The following BRF1 variants were observed in gnomAD, a reference collection of about 807,000 sequenced individuals.
BRF1 encodes the protein BRF1 general transcription factor IIIB subunit.
Under a neutral mutation model 81.7 loss-of-function variants are expected in BRF1, and 59 were observed. The ratio of observed to expected loss-of-function variants is 0.72; its 90% CI spans 0.59 to 0.90. The LOEUF (loss-of-function observed/expected upper bound fraction) is 0.90. Ranked by LOEUF, BRF1 falls within the 40% of genes least tolerant of loss-of-function variation. The probability of loss-of-function intolerance (pLI) is 0.00; values close to 1 mark genes in which losing one functional copy is unlikely to be tolerated. For synonymous variants in BRF1, 491 were observed against 395.6 expected, an observed-to-expected ratio of 1.24 and a Z score of -2.86; for missense variants, 1,050 against 936.3, an observed-to-expected ratio of 1.12 and a Z score of -1.58.
At chr14:105,265,464 G>A (rs1039638268) in intron 3 of BRF1, among the ~76,000 whole-genome samples, 4 of 152,118 alleles carry the variant, frequency 2.6e-5, no homozygotes, top group African/African-American at 9.7e-5. Flanking sequence ...TTAAAAGCAG[G>A]TAGTGGGCCG....
intron 5 of BRF1, chr14:105,249,100 C>T (rs2055390917): frequency 6.7e-7 from 1 of 1,490,956 alleles, no homozygotes; most frequent in African/African-American, 1.5e-5. Flanking sequence ...GCCCGTGCCC[C>T]GCGGCCCCCG....
At chr14:105,218,520 T>C (rs976668709) in intron 14 of BRF1, among the ~76,000 whole-genome samples, 5 of 152,152 alleles carry the variant, frequency 3.3e-5, no homozygotes, top group African/African-American at 1.2e-4. Flanking sequence ...GCTCCCCGTG[T>C]TTTCTCCTGC....
intron 2 of BRF1, among the ~76,000 whole-genome samples, chr14:105,275,339 T>A (rs1193796854): frequency 2.0e-5 from 3 of 152,216 alleles, no homozygotes; most frequent in Non-Finnish European, 4.4e-5. Flanking sequence ...CATACAGCTC[T>A]GAGGCCTGCA....
chr14:105,245,535 T>C (rs1310235189), intron 5 of BRF1, among the ~76,000 whole-genome samples: 1 of 152,016 alleles, frequency 6.6e-6, no homozygotes, highest in Non-Finnish European at 1.5e-5. Flanking sequence ...GCCAGTATGG[T>C]GCTGACATAA....
Position 105,315,237 on chromosome 14 carries a change from C to A in BRF1, c.-162+85G>T, listed in dbSNP as rs1595539938. 5.4e-6 allele frequency: 1 copy of A among 184,260 alleles called. No homozygotes were observed. The highest frequency in any genetic ancestry group is 1.1e-5 in the Non-Finnish European group (1 of 94,566). The allele number at this position is 184,260 out of a possible 1,614,324, so 11.4% of individuals were successfully genotyped here. A position where few individuals can be genotyped will look rare whatever the true frequency, so the allele number is the denominator to read the frequency against. On this transcript the variant is annotated intron_variant, in intron 1 of 17. Coordinates refer to the BRF1 transcript ENST00000327359. The surrounding 1 kb of genome is among the most constrained non-coding windows in gnomAD (Gnocchi z 4.4). ...AGCGCGGCCCCAGCCCCCCAGGTCCCGAGCACCGGGGGCCGCGCTCAGCTT... is the reference window on the plus strand; with the variant it reads ...AGCGCGGCCCCAGCCCCCCAGGTCCAGAGCACCGGGGGCCGCGCTCAGCTT...
chr14:105,250,847 G>A (rs764885338), intron 5 of BRF1: 2 of 698,186 alleles, frequency 2.9e-6, no homozygotes, highest in Admixed American at 3.0e-5. Flanking sequence ...AGGGATTGGA[G>A]TCTTAGGCAT....
chr14:105,265,826 G>A (rs1031917069), intron 3 of BRF1, among the ~76,000 whole-genome samples: 10 of 150,248 alleles, frequency 6.7e-5, no homozygotes, highest in South Asian at 2.1e-4. Context: ...GTGTGAACCC[G>A]CGAGGCAGAG....
At chr14:105,250,170 A>C in intron 5 of BRF1, 13 of 1,612,956 alleles carry the variant, frequency 8.1e-6, no homozygotes, top group Middle Eastern at 1.7e-4. Flanking sequence ...ACGGCCACCA[A>C]CAAGCCCCGC....
Position 105,221,694 on chromosome 14 carries a change from G to C in BRF1, c.1269C>G (p.Ile423Met). The part of the protein sequence containing the change: ...DPLPTAASLG[I>M]SDSIRECISS... ...AGATGCATTCGCGGATGGAGTCTGA[G>C]ATGCCCAGGCTGGCTGCAGTGGGGA... The change falls in exon 11 of 18, where the codon ATC (isoleucine) becomes ATG (methionine). Residue 423 changes from isoleucine (I) to methionine (M), a missense_variant. By Grantham distance (10) the Ile-to-Met change is conservative (BLOSUM62 1). This residue lies in a region of BRF1 where 1,043 missense variants were observed against 915.4 expected (regional missense o/e 1.14). Coordinates refer to ENST00000547530, the MANE Select transcript of BRF1 (RefSeq NM_001519.4). 1 of 1,611,822 alleles carries C rather than the reference G, an allele frequency of 6.2e-7. No individual in the cohort carries two copies.
chr14:105,215,924 GCA>G lies in BRF1; in HGVS notation c.1772+1618_1772+1619del, dbSNP rs763574872. On this transcript the variant is annotated intron_variant, in intron 15 of 17. Transcript: ENST00000547530. Reference sequence around the variant, plus strand: ...ACACACACACTGCATACGCAGACAGGCACACACACACTGCATACACAGACACA... The same window carrying G: ...ACACACACACTGCATACGCAGACAGGCACACACACTGCATACACAGACACA... 1.0e-3 allele frequency among the ~76,000 whole-genome samples: 96 copies of G among 92,096 alleles called. 3 individuals are homozygous for G. Among genetic ancestry groups the G allele is most frequent in the East Asian group, 8.0e-3 (24 of 3,000 alleles). 60.4% of individuals were successfully genotyped at this position (92,096 alleles called of 152,430 possible).
chr14:105,298,083 G>T (rs587697226), intron 1 of BRF1, among the ~76,000 whole-genome samples: 57 of 152,334 alleles, frequency 3.7e-4, no homozygotes, highest in African/African-American at 1.3e-3. Context: ...GCTCACTGGA[G>T]CATCTCAGAT....
intron 4 of BRF1, among the ~76,000 whole-genome samples, chr14:105,254,770 C>T (rs1370432413): frequency 6.6e-6 from 1 of 151,560 alleles, no homozygotes; most frequent in Admixed American, 6.6e-5. Context: ...CCATGTTGGC[C>T]AGGCTGGTCT....
chr14:105,269,988 T>G lies in BRF1; in HGVS notation c.439+2733A>C, dbSNP rs2056590228. Among the ~76,000 whole-genome samples, 4 of 151,962 alleles carry G rather than the reference T, an allele frequency of 2.6e-5. No individual in the cohort carries two copies. Among genetic ancestry groups the G allele is most frequent in the Admixed American group, 2.6e-4 (4 of 15,264 alleles). On this transcript the variant is annotated intron_variant, in intron 3 of 17. Coordinates refer to ENST00000547530, the MANE Select transcript of BRF1 (RefSeq NM_001519.4). This position sits in a 1 kb window ranked among gnomAD's most constrained non-coding sequence, Gnocchi z 5.0. ...AGCAGGATCGGAGCAGGCCTCTCAG[T>G]GGGACCCCAGGGTGGAGCCGGGGCA... is the stretch of plus-strand genomic sequence containing the variant.
At chr14:105,229,536 C>G (rs889484656) in intron 6 of BRF1, among the ~76,000 whole-genome samples, 1 of 152,208 alleles carries the variant, frequency 6.6e-6, no homozygotes, top group African/African-American at 2.4e-5. Flanking sequence ...TTGACCAGGC[C>G]ACGGCCACAT....
rs1457335520 is a variant in BRF1 at position 105,210,337 on chromosome 14, C to T, written c.*214G>A. ...CACACACCCGGCCCACATCTGATCACACACATGCAGACGCTTGGTCCGGTT... is the reference window on the plus strand; with the variant it reads ...CACACACCCGGCCCACATCTGATCATACACATGCAGACGCTTGGTCCGGTT... On this transcript the variant is annotated 3_prime_UTR_variant, in exon 18 of 18. Coordinates refer to ENST00000547530, the MANE Select transcript of BRF1 (RefSeq NM_001519.4). This position sits in a 1 kb window ranked among gnomAD's most constrained non-coding sequence, Gnocchi z 4.7. 5.0e-5 allele frequency: 30 copies of T among 594,646 alleles called. No homozygotes were observed. The highest frequency in any genetic ancestry group is 7.7e-5 in the Non-Finnish European group (26 of 335,750). The allele number at this position is 594,646 out of a possible 1,614,324, so 36.8% of individuals were successfully genotyped here.
rs1566790280 is a variant in BRF1 at position 105,210,708 on chromosome 14, C to G, written c.1997-120G>C. 25 of 1,138,068 alleles carry G rather than the reference C, an allele frequency of 2.2e-5. No homozygotes were observed. The highest frequency in any genetic ancestry group is 3.1e-5 in the Non-Finnish European group (25 of 801,490). 70.5% of individuals were successfully genotyped at this position (1,138,068 alleles called of 1,614,324 possible). A position where few individuals can be genotyped will look rare whatever the true frequency, so the allele number is the denominator to read the frequency against. ...ACTCAGGCTCCAGCCCCAGCCCCAG[C>G]CCCCCGCGCCCCGCCAGGAGCCATC... is the stretch of plus-strand genomic sequence containing the variant. On this transcript the variant is annotated intron_variant, in intron 17 of 17. Transcript: ENST00000547530. The surrounding 1 kb of genome is among the most constrained non-coding windows in gnomAD (Gnocchi z 4.7).
In BRF1 at chr14:105,315,149, G is replaced by T. The variant is rs989218084; in HGVS notation, c.-162+173C>A. 1.8e-6 allele frequency: 1 copy of T among 556,960 alleles called. No individual in the cohort carries two copies. Among genetic ancestry groups the T allele is most frequent in the Admixed American group, 6.2e-5 (1 of 16,232 alleles). 34.5% of individuals were successfully genotyped at this position (556,960 alleles called of 1,614,324 possible). ...CGGGTCCCCCAGCGGAGCCCAGGTC[G>T]CCCCCCGCGCCCCCGCCCGCCGGTT... On this transcript the variant is annotated intron_variant, in intron 1 of 17. Transcript: ENST00000327359. The surrounding 1 kb of genome is among the most constrained non-coding windows in gnomAD (Gnocchi z 4.4).
At position 105,295,784 on chromosome 14, in the gene BRF1, A is replaced by G. The variant is rs587757956; in HGVS notation, c.184+4662T>C. Among the ~76,000 whole-genome samples the G allele has an allele frequency of 8.1e-4, 106 of 131,222 alleles. 3 individuals carry two copies. The South Asian group carries it at 0.021, about 26-fold the overall frequency. 86.1% of individuals were successfully genotyped at this position (131,222 alleles called of 152,430 possible). On this transcript the variant is annotated intron_variant, in intron 1 of 17. Transcript: ENST00000547530. ...GGGCAACAGTGAGACTTTGTCCCAG[A>G]AAAAAAAAAAAAAGCTGGGTGCGGT... is the stretch of plus-strand genomic sequence containing the variant.
At chr14:105,289,943 T>C (rs915795412) in intron 1 of BRF1, among the ~76,000 whole-genome samples, 2 of 152,232 alleles carry the variant, frequency 1.3e-5, no homozygotes, top group Admixed American at 6.5e-5. Context: ...GCCTGTTTTT[T>C]CTAAGCGTTC....
Sources: allele counts gnomAD v4.1 joint callset (sites outside exome capture counted in the v4.1 genomes callset), GRCh38; gene constraint gnomAD v4.1.1; regional missense constraint gnomAD v4.1.1; non-coding constraint Gnocchi (gnomAD v3.1); transcripts MANE v1.5; gene names NCBI Gene and HGNC (gene_info 2026-07-23, HGNC 2026-07-21).